The following ATP1A4 variants were observed in gnomAD, a reference collection of about 807,000 sequenced individuals.
The protein encoded by ATP1A4 is ATPase Na+/K+ transporting subunit alpha 4.
In ATP1A4, 90 loss-of-function variants were observed where a neutral mutation model predicts 114.3. The ratio of observed to expected loss-of-function variants is 0.79; its 90% CI spans 0.66 to 0.94. The LOEUF is 0.94. ATP1A4 is among the 40% of genes least tolerant of loss of function. ATP1A4 has a pLI of 0.00. For synonymous variants in ATP1A4, 511 were observed against 494.1 expected, an observed-to-expected ratio of 1.03 and a Z score of -0.45; for missense variants, 1,222 against 1,313.6, an observed-to-expected ratio of 0.93 and a Z score of 1.08.
Position 160,186,662 on chromosome 1 carries a change from C to T in ATP1A4, c.3062-9C>T. 6.2e-7 allele frequency: 1 copy of T among 1,609,834 alleles called. No homozygotes were observed. The highest frequency in any genetic ancestry group is 8.5e-7 in the Non-Finnish European group (1 of 1,178,034). ...CTCCCAGTTCACGCTGGCCTCTTCT[C>T]TTCCACAGGCTGGGTGGAAAGGGAG... is the stretch of plus-strand genomic sequence containing the variant. On this transcript the variant is annotated splice_polypyrimidine_tract_variant and intron_variant, in intron 21 of 21. Coordinates refer to ENST00000368081, the MANE Select transcript of ATP1A4 (RefSeq NM_144699.4).
At position 160,153,107 on chromosome 1, in the gene ATP1A4, C is replaced by T. The variant is rs1057009559; in HGVS notation, c.148-58C>T. Reference sequence around the variant, plus strand: ...CATTCTCCAGTCTGTTTCTCCCCCTCTCCCTGGAAATGACCTGGGCCACCC... The same window carrying T: ...CATTCTCCAGTCTGTTTCTCCCCCTTTCCCTGGAAATGACCTGGGCCACCC... On this transcript the variant is annotated intron_variant, in intron 1 of 21. Coordinates refer to ENST00000368081, the MANE Select transcript of ATP1A4 (RefSeq NM_144699.4). 5.0e-6 allele frequency: 7 copies of T among 1,390,918 alleles called. No homozygotes were observed. The African/African-American group carries it at 7.1e-5, about 14-fold the overall frequency. The allele number at this position is 1,390,918 out of a possible 1,614,324, so 86.2% of individuals were successfully genotyped here.
At chr1:160,155,545 A>G (rs540564717) in intron 3 of ATP1A4, among the ~76,000 whole-genome samples, 10 of 152,284 alleles carry the variant, frequency 6.6e-5, no homozygotes, top group Non-Finnish European at 1.3e-4. Flanking sequence ...CATTAATGTA[A>G]TAAACCAAAA....
chr1:160,161,772 T>G (rs1652872277), intron 6 of ATP1A4, among the ~76,000 whole-genome samples: 1 of 152,152 alleles, frequency 6.6e-6, no homozygotes, highest in Non-Finnish European at 1.5e-5. Flanking sequence ...TTTTCAGGAT[T>G]CCTCCTCCAC....
intron 20 of ATP1A4, among the ~76,000 whole-genome samples, chr1:160,186,021 G>T (rs1323992008): frequency 2.8e-5 from 4 of 145,296 alleles, no homozygotes; most frequent in Non-Finnish European, 6.0e-5. Context: ...CTTAAATCCG[G>T]GAGGCAGAGG....
intron 18 of ATP1A4, 95 bp from the exon 19 acceptor site, chr1:160,181,589 C>A: frequency 5.9e-6 from 8 of 1,362,350 alleles, no homozygotes; most frequent in Non-Finnish European, 8.0e-6. Context: ...GGACCTGACT[C>A]AGCCCAGGGG....
chr1:160,156,336 A>G (rs898536986), intron 4 of ATP1A4, among the ~76,000 whole-genome samples, 178 bp downstream of exon 4: 2 of 148,936 alleles, frequency 1.3e-5, no homozygotes, highest in South Asian at 4.5e-4. Flanking sequence ...TGAAACCCTG[A>G]GAAAGACATA....
intron 1 of ATP1A4, 28 bp downstream of exon 1, chr1:160,152,215 A>T: frequency 6.2e-7 from 1 of 1,608,208 alleles, no homozygotes; most frequent in Non-Finnish European, 8.5e-7. Flanking sequence ...GGGCGCTGAC[A>T]GCTGCCCTCT....
chr1:160,166,582 A>G lies in ATP1A4; in HGVS notation c.1102A>G (p.Asn368Asp), dbSNP rs138469870. Residue 368 changes from asparagine (N) to aspartate (D), a missense_variant, in exon 8 of 22, where the codon AAC becomes GAC. Asn to Asp is a conservative substitution (Grantham distance 23). Transcript: ENST00000368081. ...GGCGCGGAAGAACTGCCTGGTGAAG[A>G]ACCTGGAGGCGGTGGAGACGCTGGG... ...RMARKNCLVK[N>D]LEAVETLGST... is the part of the protein sequence containing the mutation. The G allele has an allele frequency of 2.4e-3, 3,919 of 1,614,252 alleles. 11 individuals are homozygous for G. The highest frequency in any genetic ancestry group is 2.6e-3 in the Non-Finnish European group (3,083 of 1,180,046).
At chr1:160,153,386 G>A (rs570329130) in intron 2 of ATP1A4, among the ~76,000 whole-genome samples, 162 bp downstream of exon 2, 1 of 152,220 alleles carries the variant, frequency 6.6e-6, no homozygotes, top group East Asian at 1.9e-4. Context: ...CCTGGAAAAA[G>A]CTGCAAATGG....
rs775013643 is a variant in ATP1A4, at chr1:160,171,687, T to G, written c.1784T>G (p.Ile595Arg). ...PMDNLCFVGLISMIDPPRAAV... is the reference protein window; with the variant it reads ...PMDNLCFVGLRSMIDPPRAAV... ...GACAACCTTTGTTTTGTGGGCCTCA[T>G]ATCCATGATTGACCCTCCCCGAGCT... The change falls in exon 12 of 22, where the codon ATA becomes AGA. Residue 595 changes from isoleucine (I) to arginine (R), a missense_variant. Physicochemically the swap from Ile to Arg is moderately conservative, Grantham distance 97 (BLOSUM62 -3). Coordinates refer to ENST00000368081, the MANE Select transcript of ATP1A4 (RefSeq NM_144699.4). The G allele has an allele frequency of 6.2e-7, 1 of 1,614,170 alleles. No homozygotes were observed. Among genetic ancestry groups the G allele is most frequent in the South Asian group, 1.1e-5 (1 of 91,078 alleles).
intron 18 of ATP1A4, 127 bp from the exon 19 acceptor site, chr1:160,181,555 CAA>C (rs36029758): frequency 0.085 from 67,784 of 795,092 alleles, no homozygotes; most frequent in East Asian, 0.15. Context: ...GACTTAGTCT[CAA>C]AAAAAAAAAA....
At chr1:160,162,299 A>G (rs1652889269) in intron 6 of ATP1A4, among the ~76,000 whole-genome samples, 1 of 152,224 alleles carries the variant, frequency 6.6e-6, no homozygotes, top group African/African-American at 2.4e-5. Context: ...TACTTTAAGA[A>G]AAGAATTTTG....
intron 20 of ATP1A4, chr1:160,182,672 A>G (rs1653747739): frequency 6.6e-6 from 1 of 152,332 alleles, no homozygotes; most frequent in African/African-American, 2.4e-5. Flanking sequence ...TCTTTATTTT[A>G]TTTTATTTTT....
intron 6 of ATP1A4, among the ~76,000 whole-genome samples, chr1:160,162,171 C>T (rs567890703): frequency 6.6e-6 from 1 of 152,312 alleles, no homozygotes; most frequent in African/African-American, 2.4e-5. Context: ...GCTGAACTTC[C>T]GGCCCTGAGT....
rs776056890 is a variant in ATP1A4 at position 160,156,074 on chromosome 1, G to C, written c.441G>C (p.Val147=). The C allele has an allele frequency of 6.2e-7, 1 of 1,613,854 alleles. No individual in the cohort carries two copies. The highest frequency in any genetic ancestry group is 1.1e-5 in the South Asian group (1 of 91,068). Residue 147 remains valine (V), a synonymous_variant, in exon 4 of 22, where the codon GTG becomes GTC. Transcript: ENST00000368081. ...ACCTGAGCATCGTACTGTCCGTCGT[G>C]GTCATCGTCACTGGCTGCTTCTCCT... ...NLYLSIVLSV[V]VIVTGCFSYY... is the part of the protein sequence containing the mutation.
At chr1:160,166,476 G>T (rs1653038489) in intron 7 of ATP1A4, 52 bp from the exon 8 acceptor site, 5 of 1,597,966 alleles carry the variant, frequency 3.1e-6, no homozygotes, top group Non-Finnish European at 4.3e-6. Flanking sequence ...ATGCAAAATG[G>T]TGTGAGTATT....
intron 1 of ATP1A4, 129 bp from the exon 2 acceptor site, chr1:160,153,036 G>A (rs11265335): frequency 0.27 from 194,047 of 708,406 alleles, 26,926 homozygotes; most frequent in South Asian, 0.33. Context: ...CTCAAAAAAA[G>A]AATTGCAGGG....
chr1:160,177,909 CCTGT>C (rs1653538591), intron 18 of ATP1A4, among the ~76,000 whole-genome samples: 1 of 152,228 alleles, frequency 6.6e-6, no homozygotes, highest in Admixed American at 6.5e-5. Context: ...TCTGGCCCTG[CCTGT>C]CTGAGTCCTT....
In ATP1A4 at chr1:160,151,995, C is replaced by A; in HGVS notation, c.-46C>A. On this transcript the variant is annotated 5_prime_UTR_variant, in exon 1 of 22. Transcript: ENST00000368081. ...CCTTCCCCTTGCCTCACTCTCTCAGCTTTCTTCCCACAGTTGAGCTCGGGC... is the reference window on the plus strand; with the variant it reads ...CCTTCCCCTTGCCTCACTCTCTCAGATTTCTTCCCACAGTTGAGCTCGGGC... 6.3e-7 allele frequency: 1 copy of A among 1,583,900 alleles called. No individual in the cohort carries two copies.
Sources: gnomAD v4.1 joint callset for allele counts (sites outside exome capture counted in the v4.1 genomes callset) on GRCh38, gnomAD v4.1.1 for gene constraint, MANE v1.5 for transcripts, NCBI Gene and HGNC (gene_info 2026-07-23, HGNC 2026-07-21) for gene names.